The following SLC25A48 variants were observed in gnomAD, a reference collection of about 807,000 sequenced individuals.
SLC25A48 encodes CTC-321K16.1.
Under a neutral mutation model 32.2 loss-of-function variants are expected in SLC25A48, and 29 were observed. That is an observed-to-expected ratio of 0.90 (90% CI 0.67 to 1.23). The LOEUF (loss-of-function observed/expected upper bound fraction) is 1.23. SLC25A48 is among the 50% of genes most tolerant of loss of function. SLC25A48 has a pLI of 0.00. For synonymous variants in SLC25A48, 164 were observed against 172.3 expected, an observed-to-expected ratio of 0.95 and a Z score of 0.38; for missense variants, 399 against 422.7, an observed-to-expected ratio of 0.94 and a Z score of 0.49.
At position 135,737,584 on chromosome 5, in the gene SLC25A48, A is replaced by G. The variant is rs193272232; in HGVS notation, c.-520-74939A>G. On this transcript the variant is annotated intron_variant, in intron 3 of 10. Transcript: ENST00000646290. ...ATGGTTTAGATTAAACTTTCAAAAC[A>G]GAAACTTAAAGATGGAAACCTGGAA... 2.3e-3 allele frequency among the ~76,000 whole-genome samples: 353 copies of G among 152,326 alleles called. 1 individual carries two copies. The highest frequency in any genetic ancestry group is 8.1e-3 in the African/African-American group (338 of 41,572).
chr5:135,723,309 A>G (rs763531177), intron 3 of SLC25A48, among the ~76,000 whole-genome samples: 3 of 151,788 alleles, frequency 2.0e-5, no homozygotes, highest in Admixed American at 6.6e-5. Context: ...TCCCCATTCA[A>G]TGGGAGCTGA....
In SLC25A48 at chr5:135,815,489, A is replaced by C. The variant is rs900454639; in HGVS notation, c.-117+2563A>C. 5.3e-5 allele frequency among the ~76,000 whole-genome samples: 8 copies of C among 152,334 alleles called. No homozygotes were observed. The South Asian group carries it at 8.3e-4, about 16-fold the overall frequency. On this transcript the variant is annotated intron_variant, in intron 4 of 10. Coordinates refer to the SLC25A48 transcript ENST00000646290. ...GGCCTAGGGGTTGGGGACCCCTGCTATAAAGGCACCAAAAGCTGCTTGCAG... is the reference window on the plus strand; with the variant it reads ...GGCCTAGGGGTTGGGGACCCCTGCTCTAAAGGCACCAAAAGCTGCTTGCAG...
chr5:135,672,438 AG>A (rs894125042), intron 3 of SLC25A48, among the ~76,000 whole-genome samples: 1 of 152,188 alleles, frequency 6.6e-6, no homozygotes, highest in African/African-American at 2.4e-5. Context: ...ATCACCAGAC[AG>A]GTTAAATGGC....
intron 5 of SLC25A48, 34 bp from the exon 6 acceptor site, chr5:135,873,987 C>A: frequency 6.6e-7 from 1 of 1,515,882 alleles, no homozygotes; most frequent in Admixed American, 2.1e-5. Flanking sequence ...TCCTAAGGAG[C>A]TAGCCCCTGA....
At chr5:135,868,915 A>G (rs79452220) in intron 4 of SLC25A48, among the ~76,000 whole-genome samples, 1 of 152,002 alleles carries the variant, frequency 6.6e-6, no homozygotes, top group Admixed American at 6.6e-5. Context: ...TGGTCAGGTC[A>G]CTCTTACCTG....
At chr5:135,853,181 G>C (rs907109500) in intron 4 of SLC25A48, among the ~76,000 whole-genome samples, 1 of 152,180 alleles carries the variant, frequency 6.6e-6, no homozygotes, top group Non-Finnish European at 1.5e-5. Flanking sequence ...AGTATTCAGC[G>C]AGTCGTAATC....
At chr5:135,852,867 C>T in intron 4 of SLC25A48, 46 bp downstream of exon 4, 1 of 1,569,078 alleles carries the variant, frequency 6.4e-7, no homozygotes, top group Non-Finnish European at 8.7e-7. Flanking sequence ...ACTTGTGGCC[C>T]TTTCCTGGTT....
At chr5:135,777,525 G>A (rs1400041105) in intron 3 of SLC25A48, among the ~76,000 whole-genome samples, 1 of 151,438 alleles carries the variant, frequency 6.6e-6, no homozygotes, top group Admixed American at 6.6e-5. Flanking sequence ...ATCACAGAAG[G>A]TATACACACT....
chr5:135,838,903 A>G (rs1044691052), intron 1 of SLC25A48, among the ~76,000 whole-genome samples: 1 of 152,188 alleles, frequency 6.6e-6, no homozygotes, highest in Non-Finnish European at 1.5e-5. Flanking sequence ...TGGGAAATGT[A>G]GGGTGGGAGT....
Position 135,888,426 on chromosome 5 carries a change from A to G in SLC25A48, c.*402A>G, listed in dbSNP as rs1762810472. The stretch of plus-strand genomic sequence containing the variant: ...GCCACTCCCTCCAGTCTCAAGTAAC[A>G]CGTCCCCGTGCCTCCAGTCTCCTCT... On this transcript the variant is annotated 3_prime_UTR_variant, in exon 8 of 8. Transcript: ENST00000681962. The G allele has an allele frequency of 4.2e-6, 1 of 236,832 alleles. No homozygotes were observed. Among genetic ancestry groups the G allele is most frequent in the African/African-American group, 2.2e-5 (1 of 45,560 alleles). The allele number at this position is 236,832 out of a possible 1,614,324, so 14.7% of individuals were successfully genotyped here. A position where few individuals can be genotyped will look rare whatever the true frequency, so the allele number is the denominator to read the frequency against.
intron 2 of SLC25A48, among the ~76,000 whole-genome samples, chr5:135,846,839 G>A (rs1369977834): frequency 2.0e-5 from 3 of 152,068 alleles, no homozygotes; most frequent in African/African-American, 4.8e-5. Flanking sequence ...AATTAATGCT[G>A]CACTAAATAT....
At chr5:135,719,263 A>T (rs1754889101) in intron 3 of SLC25A48, among the ~76,000 whole-genome samples, 1 of 152,106 alleles carries the variant, frequency 6.6e-6, no homozygotes, top group South Asian at 2.1e-4. Flanking sequence ...TCCCTTTGAG[A>T]TTTTCCTAGA....
rs1482548162 is a variant in SLC25A48, at chr5:135,869,023, G to C, written c.422-2438G>C. On this transcript the variant is annotated intron_variant, in intron 4 of 7. Transcript: ENST00000681962. ...GAGTGAGAAGGGAGGGAAGTGAAGA[G>C]AGTGGGAGAGAGAACCCACAAACAA... Among the ~76,000 whole-genome samples the C allele has an allele frequency of 4.6e-5, 7 of 152,296 alleles. No individual in the cohort carries two copies. The East Asian group carries it at 1.4e-3, about 29-fold the overall frequency.
In SLC25A48 at chr5:135,598,010, AAAATC is replaced by A. The variant is rs1291391466; in HGVS notation, c.-849+18417_-849+18421del. ...CAGAGTGAGACTCTGTCTTAAAAAA[AAAATC>A]AAACCAAAAAACAAACAAACAAACA... On this transcript the variant is annotated intron_variant, in intron 1 of 10. Transcript: ENST00000646290. Among the ~76,000 whole-genome samples, 250 of 125,150 alleles carry A rather than the reference AAAATC, an allele frequency of 2.0e-3. 1 individual carries two copies. Among genetic ancestry groups the A allele is most frequent in the African/African-American group, 6.5e-3 (232 of 35,468 alleles). 82.1% of individuals were successfully genotyped at this position (125,150 alleles called of 152,430 possible). A position where few individuals can be genotyped will look rare whatever the true frequency, so the allele number is the denominator to read the frequency against.
intron 3 of SLC25A48, among the ~76,000 whole-genome samples, chr5:135,644,736 C>G (rs1401730196): frequency 2.0e-5 from 3 of 152,132 alleles, no homozygotes; most frequent in Non-Finnish European, 4.4e-5. Context: ...AACTTTTCCC[C>G]AGAGATTAGA....
chr5:135,765,579 T>C (rs1196834217), intron 3 of SLC25A48, among the ~76,000 whole-genome samples: 2 of 149,834 alleles, frequency 1.3e-5, no homozygotes, highest in Admixed American at 1.3e-4. Flanking sequence ...TGATATTACT[T>C]CCTGTATCAC....
intron 6 of SLC25A48, among the ~76,000 whole-genome samples, 154 bp downstream of exon 6, chr5:135,874,308 A>T (rs867090451): frequency 1.4e-4 from 22 of 152,204 alleles, no homozygotes; most frequent in African/African-American, 4.3e-4. Context: ...TTTGTCAAGC[A>T]CTTCACCTGG....
intron 3 of SLC25A48, among the ~76,000 whole-genome samples, chr5:135,800,074 CT>C (rs1366238897): frequency 2.0e-5 from 3 of 151,812 alleles, no homozygotes; most frequent in Non-Finnish European, 4.4e-5. Context: ...GTACACCCCC[CT>C]GGTGATATTG....
chr5:135,772,485 G>A (rs7378725), intron 3 of SLC25A48, among the ~76,000 whole-genome samples: 60,876 of 151,414 alleles, frequency 0.4, 14,155 homozygotes, highest in Non-Finnish European at 0.52. Flanking sequence ...TATTCACGAA[G>A]AAAGAGAATA....
Sources: gnomAD v4.1 joint callset for allele counts (sites outside exome capture counted in the v4.1 genomes callset) on GRCh38, gnomAD v4.1.1 for gene constraint, MANE v1.5 for transcripts, NCBI Gene and HGNC (gene_info 2026-07-23, HGNC 2026-07-21) for gene names.